Variants in CCDC171 observed in about 807,000 individuals in gnomAD.
CCDC171 encodes the protein coiled-coil domain-containing protein 171.
CCDC171 carries 177 observed loss-of-function variants against 168.2 expected under a neutral mutation model. The observed-to-expected ratio is 1.05, with a 90% CI of 0.93 to 1.19. The LOEUF (loss-of-function observed/expected upper bound fraction) is 1.19, where lower values mean the gene tolerates loss of function less well. CCDC171 is among the 50% of genes most tolerant of loss of function. The probability of loss-of-function intolerance (pLI) is 0.00; values close to 1 mark genes in which losing one functional copy is unlikely to be tolerated. For synonymous variants in CCDC171, 687 were observed against 540.8 expected (o/e 1.27, Z -3.75); for missense variants, 1,991 against 1,539.0 (o/e 1.29, Z -4.91).
intron 25 of CCDC171, among the ~76,000 whole-genome samples, chr9:15,947,447 A>G (rs1014019676): frequency 1.3e-5 from 2 of 151,984 alleles, no homozygotes; most frequent in Non-Finnish European, 2.9e-5. Flanking sequence ...GTAGAATTCT[A>G]CAGTATTTGT....
At chr9:15,662,576 C>G (rs957354469) in intron 8 of CCDC171, among the ~76,000 whole-genome samples, 3 of 152,120 alleles carry the variant, frequency 2.0e-5, no homozygotes, top group African/African-American at 7.2e-5. Context: ...CTCTTAAAAC[C>G]TATCAGCTCC....
At chr9:15,865,722 G>A (rs371164294) in intron 23 of CCDC171, among the ~76,000 whole-genome samples, 10 of 151,984 alleles carry the variant, frequency 6.6e-5, no homozygotes, top group African/African-American at 2.4e-4. Flanking sequence ...TATGTTATCA[G>A]TAAGGCTTCC....
chr9:15,977,248 T>C (rs1169800884), downstream of CCDC171, among the ~76,000 whole-genome samples: 1 of 152,182 alleles, frequency 6.6e-6, no homozygotes, highest in Admixed American at 6.5e-5. Context: ...ATAATCTTTT[T>C]TAGTTATTGT....
At chr9:16,067,361 A>G in the CCDC171 span, among the ~76,000 whole-genome samples, 2 of 152,082 alleles carry the variant, frequency 1.3e-5, no homozygotes, top group South Asian at 4.1e-4. Flanking sequence ...TCTGGATATT[A>G]GCCCTTTGTC....
intron 25 of CCDC171, among the ~76,000 whole-genome samples, chr9:15,945,737 T>C (rs1354159139): frequency 6.6e-6 from 1 of 151,962 alleles, no homozygotes; most frequent in African/African-American, 2.4e-5. Context: ...GTTTGTTTTT[T>C]TCTTGTAAAT....
chr9:15,575,054 C>T (rs1351007224), intron 3 of CCDC171, among the ~76,000 whole-genome samples: 8 of 151,696 alleles, frequency 5.3e-5, no homozygotes, highest in Admixed American at 3.3e-4. Flanking sequence ...GACAAGAAGA[C>T]CGTGAGGCTA....
intron 3 of CCDC171, among the ~76,000 whole-genome samples, chr9:15,996,266 T>C (rs1832368425): frequency 6.6e-6 from 1 of 152,150 alleles, no homozygotes; most frequent in South Asian, 2.1e-4. Context: ...CACATAGGTC[T>C]TGGCCCCATG....
rs142676140 is a variant in CCDC171 at position 15,928,123 on chromosome 9, G to A, written c.3753+7701G>A. On this transcript the variant is annotated intron_variant, in intron 25 of 25. Transcript: ENST00000380701. The stretch of plus-strand genomic sequence containing the variant: ...TCTGATTCCCTGTCAGGTGCTTTCC[G>A]ATGAGACTGCAATGTGGAATAAGAC... Among the ~76,000 whole-genome samples the A allele has an allele frequency of 3.1e-3, 471 of 151,710 alleles. 2 individuals are homozygous for A. The highest frequency in any genetic ancestry group is 4.7e-3 in the Non-Finnish European group (320 of 67,726).
chr9:15,679,489 C>T (rs2049888353), intron 10 of CCDC171, among the ~76,000 whole-genome samples: 1 of 152,124 alleles, frequency 6.6e-6, no homozygotes, highest in African/African-American at 2.4e-5. Context: ...TCTTATTTTG[C>T]CTTTGCCCTC....
At chr9:15,958,598 A>T (rs1053084045) in intron 25 of CCDC171, among the ~76,000 whole-genome samples, 9 of 150,260 alleles carry the variant, frequency 6.0e-5, no homozygotes, top group Non-Finnish European at 1.3e-4. Context: ...TTTGGGGTAA[A>T]GGTGATACCT....
intron 16 of CCDC171, among the ~76,000 whole-genome samples, chr9:15,734,566 A>T (rs1489968814): frequency 6.6e-6 from 1 of 152,130 alleles, no homozygotes; most frequent in Non-Finnish European, 1.5e-5. Context: ...AAATAAATAA[A>T]TAAATAGGCA....
intron 7 of CCDC171, among the ~76,000 whole-genome samples, chr9:15,647,723 A>G (rs1250993596): frequency 6.6e-6 from 1 of 152,230 alleles, no homozygotes; most frequent in Non-Finnish European, 1.5e-5. Context: ...AAAATACACC[A>G]GTAACAGGCT....
chr9:15,568,706 C>T (rs1039689249), intron 2 of CCDC171, among the ~76,000 whole-genome samples: 2 of 152,052 alleles, frequency 1.3e-5, no homozygotes, highest in Non-Finnish European at 2.9e-5. Flanking sequence ...TGTATGTCTT[C>T]TCTTGAAAAT....
chr9:16,073,949 T>G, the CCDC171 span, among the ~76,000 whole-genome samples: 21 of 152,344 alleles, frequency 1.4e-4, no homozygotes, highest in South Asian at 3.7e-3. Flanking sequence ...ATCTCACTGC[T>G]GCTCTCTGCC....
At chr9:15,944,297 C>A (rs754174446) in intron 25 of CCDC171, among the ~76,000 whole-genome samples, 1 of 151,882 alleles carries the variant, frequency 6.6e-6, no homozygotes. Flanking sequence ...TTGAAGCCTT[C>A]TTGTGACCAC....
At chr9:16,063,821 CAAA>C (rs529528198), downstream of CCDC171, among the ~76,000 whole-genome samples, 165 of 152,274 alleles carry the variant, frequency 1.1e-3, no homozygotes, top group Middle Eastern at 3.4e-3. Flanking sequence ...AAGTACGACT[CAAA>C]GAAGTCAAGT....
At chr9:15,570,004 C>A (rs925497407) in intron 2 of CCDC171, among the ~76,000 whole-genome samples, 2 of 151,228 alleles carry the variant, frequency 1.3e-5, no homozygotes, top group Non-Finnish European at 1.5e-5. Context: ...GAGTTTTGCT[C>A]TTGTTGCCCA....
intron 7 of CCDC171, among the ~76,000 whole-genome samples, chr9:15,640,408 T>C (rs1031704303): frequency 6.6e-6 from 1 of 152,120 alleles, no homozygotes; most frequent in African/African-American, 2.4e-5. Flanking sequence ...AAACACCACC[T>C]TCAAATTAGA....
chr9:15,912,888 C>T (rs758690924), intron 24 of CCDC171, among the ~76,000 whole-genome samples: 3 of 152,126 alleles, frequency 2.0e-5, no homozygotes, highest in Non-Finnish European at 4.4e-5. Context: ...AGGATGAAGC[C>T]AACTGGATCA....
Sources: allele counts gnomAD v4.1 joint callset (sites outside exome capture counted in the v4.1 genomes callset), GRCh38; gene constraint gnomAD v4.1.1; transcripts MANE v1.5; gene names NCBI Gene and HGNC (gene_info 2026-07-23, HGNC 2026-07-21).